Variants in EPHA6 observed in about 807,000 individuals in gnomAD.
EPHA6 encodes ephrin type-A receptor 6.
A neutral mutation model predicts 112.0 loss-of-function variants in EPHA6; 50 were observed. That is an observed-to-expected ratio of 0.45 (90% CI 0.36 to 0.56). EPHA6 has a LOEUF of 0.56. Among genes scored for constraint, EPHA6 ranks in the 20% least tolerant of loss-of-function variants. The probability of loss-of-function intolerance (pLI) is 0.00; values close to 1 mark genes in which losing one functional copy is unlikely to be tolerated. For missense variants in EPHA6, 1,280 were observed against 1,417.4 expected (o/e 0.90, Z 1.56); for synonymous variants, 529 against 490.7 (o/e 1.08, Z -1.03).
At chr3:97,069,757 T>C (rs1353312552) in intron 3 of EPHA6, among the ~76,000 whole-genome samples, 1 of 152,154 alleles carries the variant, frequency 6.6e-6, no homozygotes, top group Non-Finnish European at 1.5e-5. Flanking sequence ...TAAATATGCT[T>C]ATATTAGATG....
At position 97,038,311 on chromosome 3, in the gene EPHA6, C is replaced by G. The variant is rs920350347; in HGVS notation, c.1114+50318C>G. 1.7e-4 allele frequency among the ~76,000 whole-genome samples: 26 copies of G among 151,890 alleles called. 1 individual carries two copies. Reference sequence around the variant, plus strand: ...TAATCAATCCCTCTTCATCCTTTCCCCCCCCATGCTTCCTGGACTGTGGTA... The same window carrying G: ...TAATCAATCCCTCTTCATCCTTTCCGCCCCCATGCTTCCTGGACTGTGGTA... On this transcript the variant is annotated intron_variant, in intron 3 of 17. Transcript: ENST00000389672.
chr3:97,064,669 T>G (rs184551415), intron 3 of EPHA6, among the ~76,000 whole-genome samples: 1 of 152,180 alleles, frequency 6.6e-6, no homozygotes, highest in Non-Finnish European at 1.5e-5. Flanking sequence ...CTTTTCTTAT[T>G]AGTGCCGTTT....
chr3:97,691,115 A>G (rs2032636415), intron 14 of EPHA6, among the ~76,000 whole-genome samples: 1 of 152,220 alleles, frequency 6.6e-6, no homozygotes, highest in Admixed American at 6.5e-5. Context: ...TAATTCTTGC[A>G]TATGGTATAA....
chr3:97,564,402 T>TA (rs1157936937), intron 11 of EPHA6, among the ~76,000 whole-genome samples: 1 of 152,174 alleles, frequency 6.6e-6, no homozygotes, highest in African/African-American at 2.4e-5. Flanking sequence ...AATTCTGTTA[T>TA]GTAAAACTTG....
chr3:97,205,427 G>T (rs552455881), intron 3 of EPHA6, among the ~76,000 whole-genome samples: 1 of 151,852 alleles, frequency 6.6e-6, no homozygotes, highest in African/African-American at 2.4e-5. Context: ...GATTTTTTGG[G>T]AAATGGCAAT....
chr3:97,102,142 A>G (rs1420068719), intron 3 of EPHA6, among the ~76,000 whole-genome samples: 3 of 152,072 alleles, frequency 2.0e-5, no homozygotes, highest in African/African-American at 7.2e-5. Flanking sequence ...AGAAACACTC[A>G]TAGCTTGTGA....
intron 3 of EPHA6, among the ~76,000 whole-genome samples, chr3:97,012,342 G>T (rs932964584): frequency 3.3e-5 from 5 of 150,250 alleles, no homozygotes; most frequent in African/African-American, 1.2e-4. Flanking sequence ...TTTGAGACAG[G>T]GTCTGACTCT....
chr3:96,884,495 A>G (rs1207304517), intron 2 of EPHA6, among the ~76,000 whole-genome samples: 3 of 152,102 alleles, frequency 2.0e-5, no homozygotes, highest in African/African-American at 7.2e-5. Flanking sequence ...CTATTGTACA[A>G]GGAGTTGAGT....
intron 5 of EPHA6, among the ~76,000 whole-genome samples, chr3:97,323,965 T>C (rs982293436): frequency 4.6e-5 from 7 of 151,974 alleles, no homozygotes; most frequent in Non-Finnish European, 8.8e-5. Context: ...AGTCTATGAA[T>C]TGAAGCAATT....
chr3:96,975,467 G>A (rs1248842101), intron 2 of EPHA6, among the ~76,000 whole-genome samples: 2 of 152,044 alleles, frequency 1.3e-5, no homozygotes, highest in Non-Finnish European at 2.9e-5. Context: ...TTATTCTTGG[G>A]TATTGGATTC....
At chr3:96,921,811 G>A (rs779995944) in intron 2 of EPHA6, among the ~76,000 whole-genome samples, 12 of 151,904 alleles carry the variant, frequency 7.9e-5, no homozygotes, top group Non-Finnish European at 1.2e-4. Flanking sequence ...CAGGTGACCT[G>A]CCCACCTTGG....
intron 14 of EPHA6, among the ~76,000 whole-genome samples, chr3:97,666,810 A>G (rs998742106): frequency 5.9e-5 from 9 of 152,206 alleles, no homozygotes; most frequent in Non-Finnish European, 1.3e-4. Context: ...ATCAGAACCA[A>G]TGAGAGGTTG....
At chr3:97,557,228 C>T (rs936640968) in intron 11 of EPHA6, among the ~76,000 whole-genome samples, 9 of 151,960 alleles carry the variant, frequency 5.9e-5, no homozygotes, top group South Asian at 2.1e-4. Flanking sequence ...TTCTTCTGAA[C>T]GAATAAGAGT....
At chr3:97,320,816 C>CAAAAAAAAAA (rs1294813082) in intron 5 of EPHA6, among the ~76,000 whole-genome samples, 4 of 93,956 alleles carry the variant, frequency 4.3e-5, no homozygotes, top group African/African-American at 1.8e-4. Context: ...TCTCTGGGGG[C>CAAAAAAAAAA]AAAAAATAAA....
At chr3:97,685,215 A>C (rs909717952) in intron 14 of EPHA6, among the ~76,000 whole-genome samples, 3 of 152,238 alleles carry the variant, frequency 2.0e-5, no homozygotes, top group Non-Finnish European at 4.4e-5. Flanking sequence ...AGAAAATGAT[A>C]TTATAAAACT....
At chr3:97,456,706 C>T (rs1472619022) in intron 7 of EPHA6, among the ~76,000 whole-genome samples, 2 of 152,000 alleles carry the variant, frequency 1.3e-5, no homozygotes, top group Non-Finnish European at 2.9e-5. Flanking sequence ...TATCACTAAC[C>T]CACACTAGAG....
At chr3:97,704,443 C>T (rs2033569971) in intron 14 of EPHA6, among the ~76,000 whole-genome samples, 1 of 152,158 alleles carries the variant, frequency 6.6e-6, no homozygotes, top group South Asian at 2.1e-4. Flanking sequence ...TCCTGATTCT[C>T]AGGCCTTCAA....
intron 3 of EPHA6, among the ~76,000 whole-genome samples, chr3:97,205,012 A>G (rs1464001216): frequency 1.3e-5 from 2 of 152,242 alleles, no homozygotes; most frequent in East Asian, 3.9e-4. Flanking sequence ...ATAGGTTTGT[A>G]ACTCTTGCAA....
At chr3:96,913,580 T>G in intron 2 of EPHA6, among the ~76,000 whole-genome samples, 1 of 152,104 alleles carries the variant, frequency 6.6e-6, no homozygotes, top group East Asian at 1.9e-4. Context: ...TCGGAGCACA[T>G]TTTTAATTAC....
Sources: gnomAD v4.1 joint callset for allele counts (sites outside exome capture counted in the v4.1 genomes callset) on GRCh38, gnomAD v4.1.1 for gene constraint, MANE v1.5 for transcripts, NCBI Gene and HGNC (gene_info 2026-07-23, HGNC 2026-07-21) for gene names.